Variants in AGBL2 observed in about 807,000 individuals in gnomAD.
The protein encoded by AGBL2 is AGBL carboxypeptidase 2, also known as cytosolic carboxypeptidase 2.
AGBL2 carries 87 observed loss-of-function variants against 103.0 expected under a neutral mutation model. The ratio of observed to expected loss-of-function variants is 0.84; its 90% CI spans 0.71 to 1.01. The LOEUF (loss-of-function observed/expected upper bound fraction) is 1.01. Among genes scored for constraint, AGBL2 ranks in the 50% least tolerant of loss-of-function variants. AGBL2 has a pLI of 0.00. For missense variants in AGBL2, 904 were observed against 1,023.5 expected (o/e 0.88, Z 1.59); for synonymous variants, 335 against 356.7 (o/e 0.94, Z 0.69).
intron 8 of AGBL2, 96 bp downstream of exon 8, chr11:47,699,349 TA>T: frequency 1.4e-6 from 1 of 711,856 alleles, no homozygotes; most frequent in Non-Finnish European, 2.2e-6. Context: ...AGTTTACCAC[TA>T]AACTATGGAT....
chr11:47,661,841 C>A (rs1176810683), intron 18 of AGBL2, among the ~76,000 whole-genome samples: 1 of 151,876 alleles, frequency 6.6e-6, no homozygotes, highest in Non-Finnish European at 1.5e-5. Context: ...CCTCCACCTC[C>A]GGGTTCAAGT....
At chr11:47,671,670 T>C (rs566819076) in intron 14 of AGBL2, among the ~76,000 whole-genome samples, 1 of 152,246 alleles carries the variant, frequency 6.6e-6, no homozygotes, top group African/African-American at 2.4e-5. Context: ...CAGTGCACAA[T>C]GAGTAGTAGT....
chr11:47,710,180 G>T, intron 4 of AGBL2, 197 bp downstream of exon 4: 1 of 621,700 alleles, frequency 1.6e-6, no homozygotes, highest in African/African-American at 1.8e-5. Context: ...TGATCACCAT[G>T]CCCGGCTAGA....
intron 8 of AGBL2, among the ~76,000 whole-genome samples, chr11:47,698,190 T>TTTTTTTTTTTA (rs2097484019): frequency 6.8e-6 from 1 of 146,002 alleles, no homozygotes; most frequent in Non-Finnish European, 1.5e-5. Context: ...TTTTTTTTTT[T>TTTTTTTTTTTA]GAGACGGAGT....
chr11:47,687,461 A>C (rs1300073705), intron 10 of AGBL2, among the ~76,000 whole-genome samples: 1 of 152,080 alleles, frequency 6.6e-6, no homozygotes, highest in Non-Finnish European at 1.5e-5. Context: ...GAAACTAAAG[A>C]ATATTTAGTT....
intron 13 of AGBL2, among the ~76,000 whole-genome samples, chr11:47,679,403 AAAG>A (rs770334510): frequency 1.6e-4 from 25 of 152,012 alleles, no homozygotes; most frequent in Non-Finnish European, 3.2e-4. Context: ...AAGAAAAAAA[AAAG>A]AATAGGTGTT....
At chr11:47,697,400 G>A (rs573784751) in intron 8 of AGBL2, among the ~76,000 whole-genome samples, 12 of 151,956 alleles carry the variant, frequency 7.9e-5, no homozygotes, top group African/African-American at 2.2e-4. Context: ...CATCATGCCC[G>A]GCTAATTTTT....
At chr11:47,697,712 T>A (rs897816245) in intron 8 of AGBL2, among the ~76,000 whole-genome samples, 46 of 147,920 alleles carry the variant, frequency 3.1e-4, no homozygotes, top group African/African-American at 1.1e-3. Flanking sequence ...CGCCCGGCTA[T>A]TTTTTTTGTA....
intron 18 of AGBL2, 48 bp downstream of exon 18, chr11:47,662,978 A>T: frequency 7.1e-7 from 1 of 1,403,032 alleles, no homozygotes; most frequent in Non-Finnish European, 9.9e-7. Context: ...GAACTAATTA[A>T]AATTAATCAC....
At chr11:47,679,921 T>A in intron 13 of AGBL2, 52 bp downstream of exon 13, 2 of 1,191,960 alleles carry the variant, frequency 1.7e-6, no homozygotes, top group Non-Finnish European at 2.5e-6. Context: ...GGATTACAGG[T>A]GTGAGCCACC....
intron 8 of AGBL2, among the ~76,000 whole-genome samples, chr11:47,695,106 C>T (rs181876714): frequency 2.2e-4 from 34 of 151,854 alleles, no homozygotes; most frequent in African/African-American, 7.0e-4. Context: ...GCCGAGATTG[C>T]GCCACTGCAC....
Position 47,710,616 on chromosome 11 carries a change from CA to C in AGBL2, c.98-106del, listed in dbSNP as rs2097534013. The C allele has an allele frequency of 1.2e-5, 16 of 1,341,020 alleles. No individual in the cohort carries two copies. The South Asian group carries it at 1.9e-4, about 16-fold the overall frequency. The allele number at this position is 1,341,020 out of a possible 1,614,324, so 83.1% of individuals were successfully genotyped here. On this transcript the variant is annotated intron_variant, in intron 3 of 18. Coordinates refer to ENST00000525123, the MANE Select transcript of AGBL2 (RefSeq NM_024783.4). ...CTCCTTTTATCACCACCCACCACCA[CA>C]GCCCTTTGCAATGAATACACTGCAT...
chr11:47,660,836 G>A (rs900362801), intron 18 of AGBL2, among the ~76,000 whole-genome samples: 6 of 152,232 alleles, frequency 3.9e-5, no homozygotes, highest in East Asian at 1.9e-4. Flanking sequence ...GATTACAGGC[G>A]TGAGCCACCA....
At position 47,702,900 on chromosome 11, in the gene AGBL2, T is replaced by C. The variant is rs569588867; in HGVS notation, c.586+1643A>G. On this transcript the variant is annotated intron_variant, in intron 7 of 18. Transcript: ENST00000525123. ...GAAAAAAAAAAGGAACATCCAGTTG[T>C]TTATTCAGTAGTATAAAGCAGAGAC... Among the ~76,000 whole-genome samples the C allele has an allele frequency of 1.5e-4, 23 of 151,982 alleles. No homozygotes were observed. The East Asian group carries it at 1.9e-3, about 13-fold the overall frequency.
chr11:47,701,101 A>G (rs985745969), intron 7 of AGBL2, among the ~76,000 whole-genome samples: 2 of 151,910 alleles, frequency 1.3e-5, no homozygotes, highest in African/African-American at 4.8e-5. Flanking sequence ...TATTAATACA[A>G]TTTAGTTTAA....
intron 14 of AGBL2, among the ~76,000 whole-genome samples, chr11:47,669,584 C>T (rs1486360653): frequency 6.6e-6 from 1 of 151,862 alleles, no homozygotes; most frequent in African/African-American, 2.4e-5. Context: ...GAGGCTAAGG[C>T]AGGAGAATTG....
At chr11:47,682,902 C>T (rs957513627) in intron 11 of AGBL2, among the ~76,000 whole-genome samples, 2 of 151,818 alleles carry the variant, frequency 1.3e-5, no homozygotes, top group African/African-American at 4.8e-5. Flanking sequence ...AGACAGAGTT[C>T]CCTGCTTCAA....
chr11:47,690,804 G>T lies in AGBL2; in HGVS notation c.903C>A (p.His301Gln). The change falls in exon 10 of 19, where the codon CAC becomes CAA. Residue 301 changes from histidine (H) to glutamine (Q), a missense_variant. By Grantham distance (24) the His-to-Gln change is conservative. Coordinates refer to ENST00000525123, the MANE Select transcript of AGBL2 (RefSeq NM_024783.4). Reference protein sequence around the residue: ...TLRTDLYTNKHTQWFYFRVQN... With the variant: ...TLRTDLYTNKQTQWFYFRVQN... ...GAACACGAAAATAAAACCACTGAGT[G>T]TGTTTGTTAGTGTAGAGGTCAGTTC... 6.2e-7 allele frequency: 1 copy of T among 1,613,724 alleles called. No homozygotes were observed. The highest frequency in any genetic ancestry group is 8.5e-7 in the Non-Finnish European group (1 of 1,179,980).
At chr11:47,684,074 C>T (rs2097413661) in intron 11 of AGBL2, among the ~76,000 whole-genome samples, 1 of 151,896 alleles carries the variant, frequency 6.6e-6, no homozygotes, top group African/African-American at 2.4e-5. Flanking sequence ...TACATCTCTA[C>T]TAAAAATACC....
Sources: gnomAD v4.1 joint callset for allele counts (sites outside exome capture counted in the v4.1 genomes callset) on GRCh38, gnomAD v4.1.1 for gene constraint, MANE v1.5 for transcripts, NCBI Gene and HGNC (gene_info 2026-07-23, HGNC 2026-07-21) for gene names.